UBE2V2: variants seen among roughly 807,000 people sequenced by gnomAD.
UBE2V2 encodes the protein ubiquitin-conjugating enzyme E2 variant 2.
In UBE2V2, 9 loss-of-function variants were observed where a neutral mutation model predicts 17.2. The observed-to-expected ratio is 0.52, with a 90% CI of 0.32 to 0.91. The LOEUF is 0.91. Ranked by LOEUF, UBE2V2 falls within the 40% of genes least tolerant of loss-of-function variation. The pLI is 0.04. For synonymous variants in UBE2V2, 61 were observed against 57.5 expected, an observed-to-expected ratio of 1.06 and a Z score of -0.28; for missense variants, 133 against 182.6, an observed-to-expected ratio of 0.73 and a Z score of 1.56.
At chr8:48,058,838 TATG>T (rs1346928539) in intron 3 of UBE2V2, among the ~76,000 whole-genome samples, 2 of 151,866 alleles carry the variant, frequency 1.3e-5, no homozygotes, top group Admixed American at 6.6e-5. Context: ...GTTCTGTTAA[TATG>T]ATATATTACT....
intron 1 of UBE2V2, among the ~76,000 whole-genome samples, chr8:48,019,692 G>A (rs1458614215): frequency 6.6e-6 from 1 of 151,544 alleles, no homozygotes; most frequent in Non-Finnish European, 1.5e-5. Context: ...GCACATGCCT[G>A]TAATCCCAGC....
chr8:47,999,358 TC>T, the UBE2V2 span, among the ~76,000 whole-genome samples: 1 of 150,344 alleles, frequency 6.7e-6, no homozygotes, highest in Non-Finnish European at 1.5e-5. Context: ...TAATTAGACT[TC>T]CCCTTTTTTT....
chr8:48,050,812 GT>G (rs2091531947), intron 3 of UBE2V2, among the ~76,000 whole-genome samples: 1 of 152,172 alleles, frequency 6.6e-6, no homozygotes, highest in African/African-American at 2.4e-5. Flanking sequence ...TTCATGAAGG[GT>G]TTTTTTCTTT....
upstream of UBE2V2, chr8:48,008,298 C>T (rs886288783): frequency 1.1e-6 from 1 of 934,010 alleles, no homozygotes; most frequent in Non-Finnish European, 1.4e-6. Context: ...AGCGAGGCCC[C>T]GCGACCCCTC....
At chr8:48,009,525 C>T (rs888750284) in intron 1 of UBE2V2, among the ~76,000 whole-genome samples, 2 of 152,188 alleles carry the variant, frequency 1.3e-5, no homozygotes, top group African/African-American at 4.8e-5. Flanking sequence ...TTCGGCCTCC[C>T]AGAGTGCTGG....
the UBE2V2 span, among the ~76,000 whole-genome samples, chr8:47,997,745 G>C: frequency 3.9e-5 from 6 of 152,050 alleles, no homozygotes; most frequent in East Asian, 1.2e-3. Flanking sequence ...TGCTGGGCTC[G>C]AGGACGAGTA....
intron 1 of UBE2V2, among the ~76,000 whole-genome samples, chr8:48,022,739 T>C (rs1250520008): frequency 6.6e-6 from 1 of 152,202 alleles, no homozygotes; most frequent in Admixed American, 6.6e-5. Context: ...CTTTATCCTT[T>C]GTTTCTGAAG....
chr8:48,035,775 G>C (rs2154507488), intron 1 of UBE2V2, among the ~76,000 whole-genome samples: 1 of 136,814 alleles, frequency 7.3e-6, no homozygotes, highest in Middle Eastern at 4.2e-3. Context: ...CACTATGCCA[G>C]AGCTACTCAG....
At chr8:48,035,107 CTTTTTTTTTTTTTTTT>C (rs578114987) in intron 1 of UBE2V2, 54 of 855,632 alleles carry the variant, frequency 6.3e-5, no homozygotes, top group South Asian at 4.0e-4. Flanking sequence ...CCTATTTATT[CTTTTTTTTTTTTTTTT>C]TTTTTTTTTG....
At chr8:48,040,478 T>C (rs1015203892) in intron 1 of UBE2V2, among the ~76,000 whole-genome samples, 2 of 152,216 alleles carry the variant, frequency 1.3e-5, no homozygotes, top group African/African-American at 4.8e-5. Flanking sequence ...TTGCCTCTAC[T>C]AAGAAGCACA....
chr8:48,002,602 A>G, the UBE2V2 span, among the ~76,000 whole-genome samples: 2 of 150,760 alleles, frequency 1.3e-5, no homozygotes, highest in Non-Finnish European at 3.0e-5. Context: ...AGCCTGGGCA[A>G]TATGGTGAAA....
upstream of UBE2V2, chr8:48,008,357 G>A (rs944545498): frequency 2.1e-6 from 3 of 1,424,788 alleles, no homozygotes; most frequent in Non-Finnish European, 2.7e-6. Context: ...CGCCGGGGGC[G>A]GAGTCCGCTG....
chr8:48,045,130 T>C (rs922908408), intron 2 of UBE2V2, among the ~76,000 whole-genome samples: 5 of 152,230 alleles, frequency 3.3e-5, no homozygotes, highest in Admixed American at 1.3e-4. Flanking sequence ...ACTGTGGTCC[T>C]CCATTCCCTG....
chr8:48,041,277 T>A (rs1002884575), intron 1 of UBE2V2, among the ~76,000 whole-genome samples: 2 of 151,746 alleles, frequency 1.3e-5, no homozygotes, highest in Non-Finnish European at 2.9e-5. Flanking sequence ...ACATTAAATG[T>A]TCCAGACCAG....
intron 3 of UBE2V2, among the ~76,000 whole-genome samples, chr8:48,060,291 G>T (rs546455570): frequency 1.3e-5 from 2 of 150,254 alleles, no homozygotes; most frequent in African/African-American, 4.9e-5. Flanking sequence ...TCTGAAAGAA[G>T]AGATCAGGTT....
intron 1 of UBE2V2, among the ~76,000 whole-genome samples, chr8:48,010,882 A>AT (rs2091225171): frequency 7.6e-6 from 1 of 131,602 alleles, no homozygotes; most frequent in East Asian, 2.3e-4. Flanking sequence ...GTATATATAT[A>AT]TTTTTTTTGT....
upstream of UBE2V2, among the ~76,000 whole-genome samples, chr8:48,007,839 C>T (rs192579107): frequency 3.8e-3 from 579 of 152,128 alleles, 4 homozygotes; most frequent in South Asian, 0.025. Flanking sequence ...ACGTGACCCT[C>T]CCACCTCAGC....
At chr8:48,042,119 TTA>T (rs1202173865) in intron 1 of UBE2V2, 1 of 152,212 alleles carries the variant, frequency 6.6e-6, no homozygotes, top group Non-Finnish European at 1.5e-5. Context: ...GTCACTGGAA[TTA>T]TGTTTTTCAC....
At chr8:48,045,905 G>A (rs2091495419) in intron 2 of UBE2V2, among the ~76,000 whole-genome samples, 1 of 152,136 alleles carries the variant, frequency 6.6e-6, no homozygotes, top group Non-Finnish European at 1.5e-5. Flanking sequence ...TTTGTCCCCA[G>A]GGTAGAGTAT....
Sources: allele counts gnomAD v4.1 joint callset (sites outside exome capture counted in the v4.1 genomes callset), GRCh38; gene constraint gnomAD v4.1.1; transcripts MANE v1.5; gene names NCBI Gene and HGNC (gene_info 2026-07-23, HGNC 2026-07-21).